Variants in ITPK1 observed in about 807,000 individuals in gnomAD.
ITPK1 encodes inositol-tetrakisphosphate 1-kinase, also known as inositol 1,3,4-trisphosphate 5/6-kinase.
In ITPK1, 21 loss-of-function variants were observed where a neutral mutation model predicts 45.3. That is an observed-to-expected ratio of 0.46 (90% confidence interval 0.33 to 0.67). The LOEUF (loss-of-function observed/expected upper bound fraction) is 0.67, where lower values mean the gene tolerates loss of function less well. Among genes scored for constraint, ITPK1 ranks in the 30% least tolerant of loss-of-function variants. The probability of loss-of-function intolerance (pLI) is 0.02; values close to 1 mark genes in which losing one functional copy is unlikely to be tolerated. For missense variants in ITPK1, 474 were observed against 573.5 expected, an observed-to-expected ratio of 0.83 and a Z score of 1.77; for synonymous variants, 258 against 253.6, an observed-to-expected ratio of 1.02 and a Z score of -0.16.
At chr14:92,981,003 C>T (rs962347546) in intron 5 of ITPK1, among the ~76,000 whole-genome samples, 6 of 152,174 alleles carry the variant, frequency 3.9e-5, no homozygotes, top group Non-Finnish European at 7.3e-5. Context: ...CCACCGCACC[C>T]GGCCTCTCTT....
intron 5 of ITPK1, among the ~76,000 whole-genome samples, chr14:92,974,137 A>G (rs1388120318): frequency 1.3e-5 from 2 of 152,006 alleles, no homozygotes; most frequent in African/African-American, 4.8e-5. Context: ...CTCGCTTAGG[A>G]TGAGTGACTC....
intron 1 of ITPK1, among the ~76,000 whole-genome samples, 159 bp downstream of exon 1, chr14:93,115,613 C>G (rs1377531276): frequency 1.3e-5 from 2 of 148,516 alleles, no homozygotes; most frequent in South Asian, 2.1e-4. Flanking sequence ...AGCCACACGC[C>G]CTCAGGCGGC....
chr14:92,958,069 C>T lies in ITPK1; in HGVS notation c.670+132G>A. The stretch of plus-strand genomic sequence containing the variant: ...ATCCACCGTACACAACTGTTTCCAC[C>T]TTTAGAGCACCTCTCCATCCCACCA... On this transcript the variant is annotated intron_variant, in intron 8 of 10. Transcript: ENST00000267615. This position sits in a 1 kb window ranked among gnomAD's most constrained non-coding sequence, Gnocchi z 4.4. The T allele has an allele frequency of 1.2e-6, 1 of 832,774 alleles. No individual in the cohort carries two copies. Among genetic ancestry groups the T allele is most frequent in the Admixed American group, 2.2e-5 (1 of 45,810 alleles). 51.6% of individuals were successfully genotyped at this position (832,774 alleles called of 1,614,324 possible).
intron 5 of ITPK1, among the ~76,000 whole-genome samples, chr14:92,988,964 C>T (rs773926161): frequency 2.6e-5 from 4 of 152,052 alleles, no homozygotes; most frequent in Admixed American, 1.3e-4. Flanking sequence ...GGAGGGGTGG[C>T]GGTGGCAATG....
chr14:93,027,354 C>T (rs1007339861), intron 3 of ITPK1, among the ~76,000 whole-genome samples: 3 of 152,220 alleles, frequency 2.0e-5, no homozygotes, highest in South Asian at 4.1e-4. Flanking sequence ...TCAAATCCAG[C>T]CAATAACTAA....
chr14:92,971,280 G>A (rs559937022), intron 5 of ITPK1, among the ~76,000 whole-genome samples: 1 of 152,304 alleles, frequency 6.6e-6, no homozygotes, highest in East Asian at 1.9e-4. Flanking sequence ...TATGACCCTG[G>A]CCAAGAAATT....
chr14:93,033,698 G>C (rs1426475158), intron 3 of ITPK1, among the ~76,000 whole-genome samples: 2 of 152,188 alleles, frequency 1.3e-5, no homozygotes, highest in African/African-American at 4.8e-5. Context: ...AGAAAGAGGC[G>C]CTAGAGAGAG....
At chr14:93,102,313 G>A (rs1892352445) in intron 2 of ITPK1, among the ~76,000 whole-genome samples, 1 of 152,264 alleles carries the variant, frequency 6.6e-6, no homozygotes, top group Non-Finnish European at 1.5e-5. Context: ...TAAAAAGGGT[G>A]CTTGGGAGCT....
rs548601840 is a variant in ITPK1, at chr14:93,032,299, G to A, written c.121-15498C>T. Among the ~76,000 whole-genome samples, 14 of 152,170 alleles carry A rather than the reference G, an allele frequency of 9.2e-5. No individual in the cohort carries two copies. The highest frequency in any genetic ancestry group is 3.9e-4 in the East Asian group (2 of 5,184). Reference sequence around the variant, plus strand: ...CAGGAGGCGGAGGTTGCAGTGAGCCGAGATTACGCCACTGCACTCCAGGCT... The same window carrying A: ...CAGGAGGCGGAGGTTGCAGTGAGCCAAGATTACGCCACTGCACTCCAGGCT... On this transcript the variant is annotated intron_variant, in intron 3 of 10. Coordinates refer to ENST00000267615, the MANE Select transcript of ITPK1 (RefSeq NM_014216.6). The surrounding 1 kb of genome is among the most constrained non-coding windows in gnomAD (Gnocchi z 4.0).
chr14:92,942,531 A>G (rs977164582), intron 10 of ITPK1, among the ~76,000 whole-genome samples: 1 of 152,122 alleles, frequency 6.6e-6, no homozygotes, highest in Non-Finnish European at 1.5e-5. Flanking sequence ...TCTCACCACA[A>G]AATACCTGCA....
At chr14:93,062,270 CA>C (rs34423706) in intron 3 of ITPK1, among the ~76,000 whole-genome samples, 3 of 148,342 alleles carry the variant, frequency 2.0e-5, no homozygotes, top group Non-Finnish European at 4.5e-5. Flanking sequence ...GATTCCATCT[CA>C]AAAAAAAAAC....
At chr14:93,023,744 G>A (rs932874067) in intron 3 of ITPK1, among the ~76,000 whole-genome samples, 1 of 152,152 alleles carries the variant, frequency 6.6e-6, no homozygotes, top group Admixed American at 6.5e-5. Flanking sequence ...GATTTATCCT[G>A]TAAGGGGAAG....
rs1889250926 is a variant in ITPK1, at chr14:93,034,862, G to C, written c.121-18061C>G. 6.6e-6 allele frequency among the ~76,000 whole-genome samples: 1 copy of C among 152,262 alleles called. No individual in the cohort carries two copies. Among genetic ancestry groups the C allele is most frequent in the African/African-American group, 2.4e-5 (1 of 41,476 alleles). On this transcript the variant is annotated intron_variant, in intron 3 of 10. Transcript: ENST00000267615. The surrounding 1 kb of genome is among the most constrained non-coding windows in gnomAD (Gnocchi z 4.1). ...CCTGCACCACAGGGCCGAGGATTCA[G>C]TGGTTCCCTCCAACCTGAGGTCCTG...
At chr14:93,111,582 G>C (rs1358761305) in intron 2 of ITPK1, among the ~76,000 whole-genome samples, 1 of 152,036 alleles carries the variant, frequency 6.6e-6, no homozygotes, top group South Asian at 2.1e-4. Flanking sequence ...GTGGTGGTGC[G>C]CACCTGTAAT....
intron 3 of ITPK1, among the ~76,000 whole-genome samples, chr14:93,047,662 C>A (rs1260261034): frequency 6.6e-6 from 1 of 152,242 alleles, no homozygotes; most frequent in Non-Finnish European, 1.5e-5. Context: ...CTGCTGACAT[C>A]CTGAGTCCAA....
At position 93,115,236 on chromosome 14, in the gene ITPK1, C is replaced by G. The variant is rs1369978093; in HGVS notation, c.-73G>C. 3 of 1,104,812 alleles carry G rather than the reference C, an allele frequency of 2.7e-6. No homozygotes were observed. The highest frequency in any genetic ancestry group is 4.0e-6 in the Non-Finnish European group (3 of 753,158). 68.4% of individuals were successfully genotyped at this position (1,104,812 alleles called of 1,614,324 possible). On this transcript the variant is annotated 5_prime_UTR_variant, in exon 2 of 11. Coordinates refer to ENST00000267615, the MANE Select transcript of ITPK1 (RefSeq NM_014216.6). ...GCCGAGTCTGGCGGCCGGCGCGCGC[C>G]GCGAGCGAGTGGGCACCTCCTCCCG...
chr14:93,086,915 G>A (rs945600765), intron 2 of ITPK1, among the ~76,000 whole-genome samples: 6 of 152,190 alleles, frequency 3.9e-5, no homozygotes, highest in African/African-American at 1.2e-4. Flanking sequence ...AGATATTTTC[G>A]GGATGGCAGG....
intron 4 of ITPK1, among the ~76,000 whole-genome samples, chr14:92,999,681 G>A (rs1266466318): frequency 1.3e-5 from 2 of 152,308 alleles, no homozygotes; most frequent in Non-Finnish European, 2.9e-5. Flanking sequence ...CAGTTAACTG[G>A]GCCTTCCTCA....
At chr14:93,109,789 C>T (rs879530803) in intron 2 of ITPK1, among the ~76,000 whole-genome samples, 1 of 152,180 alleles carries the variant, frequency 6.6e-6, no homozygotes, top group East Asian at 1.9e-4. Context: ...AGTTTCAAAT[C>T]CTCAAACCCA....
Sources: allele counts gnomAD v4.1 joint callset (sites outside exome capture counted in the v4.1 genomes callset), GRCh38; gene constraint gnomAD v4.1.1; non-coding constraint Gnocchi (gnomAD v3.1); transcripts MANE v1.5; gene names NCBI Gene and HGNC (gene_info 2026-07-23, HGNC 2026-07-21).